CSMD1: variants seen among roughly 807,000 people sequenced by gnomAD.
CSMD1 encodes CUB and Sushi multiple domains 1.
CSMD1 carries 213 observed loss-of-function variants against 417.5 expected under a neutral mutation model. That is an observed-to-expected ratio of 0.51 (90% CI 0.46 to 0.57). CSMD1 has a LOEUF of 0.57. CSMD1 is among the 20% of genes least tolerant of loss of function. CSMD1 has a pLI of 0.00. For synonymous variants in CSMD1, 2,862 were observed against 1,736.8 expected (o/e 1.65, Z -16.11); for missense variants, 6,923 against 4,529.7 (o/e 1.53, Z -15.17).
intron 5 of CSMD1, among the ~76,000 whole-genome samples, chr8:3,975,124 A>T (rs920629945): frequency 3.3e-5 from 5 of 152,180 alleles, no homozygotes; most frequent in African/African-American, 1.2e-4. Context: ...ACCACTATGC[A>T]TGTTTCCATG....
chr8:3,331,217 G>A (rs542090517), intron 23 of CSMD1, among the ~76,000 whole-genome samples: 38 of 137,034 alleles, frequency 2.8e-4, no homozygotes, highest in Admixed American at 2.2e-3. Flanking sequence ...CAGCCTGGCC[G>A]ACAGAACGAG....
chr8:4,941,336 A>G (rs1807985522), intron 1 of CSMD1, among the ~76,000 whole-genome samples: 1 of 144,512 alleles, frequency 6.9e-6, no homozygotes. Context: ...CTTCATAATA[A>G]ATGTTTTGAG....
intron 5 of CSMD1, among the ~76,000 whole-genome samples, chr8:3,808,644 G>A (rs56014484): frequency 0.047 from 7,080 of 152,190 alleles, 291 homozygotes; most frequent in African/African-American, 0.1. Context: ...TAGTTCCTGA[G>A]CCCAAGGGAC....
In CSMD1 at chr8:4,868,094, C is replaced by A. The variant is rs113275086; in HGVS notation, c.85+126238G>T. ...ATTTACTGGAAAAAGCAATTTAAAACGACCTCTCACCAAACTGCTGTAGTT... is the reference window on the plus strand; with the variant it reads ...ATTTACTGGAAAAAGCAATTTAAAAAGACCTCTCACCAAACTGCTGTAGTT... On this transcript the variant is annotated intron_variant, in intron 1 of 69. Coordinates refer to ENST00000635120, the MANE Select transcript of CSMD1 (RefSeq NM_033225.6). Among the ~76,000 whole-genome samples, 110 of 152,186 alleles carry A rather than the reference C, an allele frequency of 7.2e-4. 1 individual carries two copies. The highest frequency in any genetic ancestry group is 1.1e-3 in the Non-Finnish European group (75 of 68,026).
At chr8:4,062,356 A>G (rs865928906) in intron 3 of CSMD1, among the ~76,000 whole-genome samples, 1 of 152,060 alleles carries the variant, frequency 6.6e-6, no homozygotes, top group Non-Finnish European at 1.5e-5. Flanking sequence ...AAGAATTTTC[A>G]TTTGACAATG....
intron 1 of CSMD1, among the ~76,000 whole-genome samples, chr8:4,976,784 T>C (rs958312456): frequency 2.6e-5 from 4 of 152,204 alleles, no homozygotes; most frequent in Admixed American, 2.0e-4. Flanking sequence ...GGTAGGTATA[T>C]GACACATCAC....
chr8:3,683,251 A>T (rs1466036203), intron 7 of CSMD1, among the ~76,000 whole-genome samples: 2 of 151,894 alleles, frequency 1.3e-5, no homozygotes, highest in African/African-American at 4.8e-5. Flanking sequence ...TAAATAAAAA[A>T]ATAAAGACAG....
chr8:3,060,899 C>A (rs937210793), intron 49 of CSMD1, among the ~76,000 whole-genome samples: 1 of 152,156 alleles, frequency 6.6e-6, no homozygotes, highest in Non-Finnish European at 1.5e-5. Context: ...ATTCCTCTCT[C>A]CGGAGGAGAG....
At chr8:4,577,225 G>T (rs770631017) in intron 2 of CSMD1, among the ~76,000 whole-genome samples, 6 of 152,082 alleles carry the variant, frequency 3.9e-5, no homozygotes, top group Admixed American at 1.3e-4. Flanking sequence ...AATATAGAAT[G>T]TAAGAAAGGA....
chr8:4,027,558 T>A (rs1797126629), intron 4 of CSMD1, among the ~76,000 whole-genome samples: 1 of 152,122 alleles, frequency 6.6e-6, no homozygotes, highest in South Asian at 2.1e-4. Context: ...AAACGTGCCT[T>A]CCATCATAAC....
intron 3 of CSMD1, among the ~76,000 whole-genome samples, chr8:4,323,630 A>C (rs1381454791): frequency 6.6e-6 from 1 of 152,204 alleles, no homozygotes; most frequent in African/African-American, 2.4e-5. Flanking sequence ...ACCAGAAGAC[A>C]TAAGGAGAAA....
At chr8:3,503,292 C>G (rs1336397634) in intron 10 of CSMD1, among the ~76,000 whole-genome samples, 2 of 152,158 alleles carry the variant, frequency 1.3e-5, no homozygotes, top group East Asian at 1.9e-4. Context: ...CACTAGGAGT[C>G]TCTTATAAAC....
rs1801099991 is a variant in CSMD1 at position 4,222,496 on chromosome 8, AGTT to A, written c.416-190400_416-190398del. 3.3e-5 allele frequency among the ~76,000 whole-genome samples: 5 copies of A among 152,346 alleles called. No homozygotes were observed. The South Asian group carries it at 1.0e-3, about 32-fold the overall frequency. On this transcript the variant is annotated intron_variant, in intron 3 of 69. Transcript: ENST00000635120. ...TTCTCAGTAAGTCAGTCAATAATATAGTTGTTAATATTATTATTGTTAAATAAT... is the reference window on the plus strand; with the variant it reads ...TTCTCAGTAAGTCAGTCAATAATATAGTTAATATTATTATTGTTAAATAAT...
chr8:4,228,706 T>C (rs1801517421), intron 3 of CSMD1, among the ~76,000 whole-genome samples: 2 of 151,940 alleles, frequency 1.3e-5, no homozygotes, highest in South Asian at 4.1e-4. Context: ...TTTCTTGAGA[T>C]GGAGTCTACC....
At chr8:3,926,701 G>A (rs954289348) in intron 5 of CSMD1, among the ~76,000 whole-genome samples, 1 of 138,008 alleles carries the variant, frequency 7.2e-6, no homozygotes, top group African/African-American at 2.6e-5. Flanking sequence ...TTAAATTCAA[G>A]TTAAATTGAC....
intron 26 of CSMD1, among the ~76,000 whole-genome samples, chr8:3,272,383 C>A (rs1401763209): frequency 6.6e-6 from 1 of 150,656 alleles, no homozygotes; most frequent in Non-Finnish European, 1.5e-5. Context: ...CAGCTTTGTT[C>A]TTTTGGCTCA....
intron 3 of CSMD1, among the ~76,000 whole-genome samples, chr8:4,040,136 T>C (rs1797811869): frequency 6.6e-6 from 1 of 152,094 alleles, no homozygotes; most frequent in Non-Finnish European, 1.5e-5. Context: ...TTTTAAAGGG[T>C]ATGAGAGTCA....
chr8:4,906,201 C>A (rs1005165426), intron 1 of CSMD1, among the ~76,000 whole-genome samples: 1 of 152,188 alleles, frequency 6.6e-6, no homozygotes, highest in Non-Finnish European at 1.5e-5. Context: ...ATCACCCTTT[C>A]ACTAGCAGAA....
At chr8:4,178,618 T>C (rs1245688329) in intron 3 of CSMD1, among the ~76,000 whole-genome samples, 1 of 151,810 alleles carries the variant, frequency 6.6e-6, no homozygotes, top group Non-Finnish European at 1.5e-5. Context: ...GGGTATTCAA[T>C]TAGGAAAAGA....
Sources: allele counts gnomAD v4.1 joint callset (sites outside exome capture counted in the v4.1 genomes callset), GRCh38; gene constraint gnomAD v4.1.1; transcripts MANE v1.5; gene names NCBI Gene and HGNC (gene_info 2026-07-23, HGNC 2026-07-21).